PITPNM1: variants seen among roughly 807,000 people sequenced by gnomAD.
PITPNM1 encodes membrane-associated phosphatidylinositol transfer protein 1.
PITPNM1 carries 74 observed loss-of-function variants against 133.3 expected under a neutral mutation model. The observed-to-expected ratio is 0.56, with a 90% CI of 0.46 to 0.67. The LOEUF (loss-of-function observed/expected upper bound fraction) is 0.67, where lower values mean the gene tolerates loss of function less well. PITPNM1 is among the 30% of genes least tolerant of loss of function. The pLI, the probability that PITPNM1 is intolerant of heterozygous loss-of-function variation, is 0.00. For missense variants in PITPNM1, 1,398 were observed against 1,739.5 expected (o/e 0.80, Z 3.49); for synonymous variants, 738 against 741.4 (o/e 1.00, Z 0.08).
intron 14 of PITPNM1, 75 bp downstream of exon 14, chr11:67,497,156 A>AG: frequency 8.0e-7 from 1 of 1,256,796 alleles, no homozygotes; most frequent in Non-Finnish European, 1.1e-6. Context: ...CTCGGATGAG[A>AG]GGGAAGGCCA....
Position 67,494,858 on chromosome 11 carries a change from C to A in PITPNM1, c.2730G>T (p.Gln910His). 1 of 1,612,190 alleles carries A rather than the reference C, an allele frequency of 6.2e-7. No homozygotes were observed. The highest frequency in any genetic ancestry group is 1.1e-5 in the South Asian group (1 of 91,068). ...PREKWQRKRT[Q>H]VKIRNVTSNH... ...GCAGGGCACCTACCCGGATCTTGAC[C>A]TGCGTGCGTTTTCGCTGCCACTTCT... The change falls in exon 18 of 24, where the codon CAG becomes CAT. Residue 910 changes from glutamine (Q) to histidine (H), a missense_variant. Gln to His is a conservative substitution (Grantham distance 24). This residue lies in a region of PITPNM1 where 233 missense variants were observed against 378.0 expected (regional missense o/e 0.62). Coordinates refer to ENST00000356404, the MANE Select transcript of PITPNM1 (RefSeq NM_004910.3).
chr11:67,500,627 C>T (rs984130723), intron 5 of PITPNM1, among the ~76,000 whole-genome samples: 1 of 152,252 alleles, frequency 6.6e-6, no homozygotes, highest in African/African-American at 2.4e-5. Flanking sequence ...CGCCCACTGC[C>T]TTTCCTGTCT....
Position 67,493,713 on chromosome 11 carries a change from G to T in PITPNM1, c.3133C>A (p.Arg1045=). Residue 1045 remains arginine, a synonymous_variant, in exon 21 of 24, where the codon CGA becomes AGA. Transcript: ENST00000356404. ...CTGACCACGTCCACGGCGCCAGCTC[G>T]CACCTTGGGGTCGCTGCCCATGATG... ...VSIMGSDPKV[R]AGAVDVVRHW... The T allele has an allele frequency of 6.5e-7, 1 of 1,547,310 alleles. No homozygotes were observed. Among genetic ancestry groups the T allele is most frequent in the Non-Finnish European group, 8.7e-7 (1 of 1,147,012 alleles).
At chr11:67,494,205 G>A (rs768325701) in intron 19 of PITPNM1, 39 bp downstream of exon 19, 27 of 1,588,878 alleles carry the variant, frequency 1.7e-5, no homozygotes, top group Non-Finnish European at 2.2e-5. Flanking sequence ...ACAGGAGATG[G>A]GGCCATGGGA....
Position 67,498,616 on chromosome 11 carries a change from G to A in PITPNM1, c.1464C>T (p.Ala488=), listed in dbSNP as rs767395860. 1.5e-5 allele frequency: 24 copies of A among 1,597,664 alleles called. No individual in the cohort carries two copies. Among genetic ancestry groups the A allele is most frequent in the South Asian group, 7.7e-5 (7 of 91,006 alleles). ...AGTACTTGGAGACAAGGGCATAGGCGGCGGCGCAGATGGGTGGACAGGGCA... is the reference window on the plus strand; with the variant it reads ...AGTACTTGGAGACAAGGGCATAGGCAGCGGCGCAGATGGGTGGACAGGGCA... ...RLVPCPPICA[A]AYALVSNLSP... The change falls in exon 10 of 24, where the codon GCC becomes GCT. Residue 488 remains alanine, a synonymous_variant. Transcript: ENST00000356404. The surrounding 1 kb of genome is among the most constrained non-coding windows in gnomAD (Gnocchi z 5.7).
Position 67,498,564 on chromosome 11 carries a change from G to T in PITPNM1, c.1484+32C>A. ...GCCCCGCTCCCTGGCCTGATCCTAC[G>T]AGTTCCCTGCCCTTCCACCCGTGGC... On this transcript the variant is annotated intron_variant, in intron 10 of 23. Coordinates refer to ENST00000356404, the MANE Select transcript of PITPNM1 (RefSeq NM_004910.3). This position sits in a 1 kb window ranked among gnomAD's most constrained non-coding sequence, Gnocchi z 5.7. 6.3e-7 allele frequency: 1 copy of T among 1,587,408 alleles called. No homozygotes were observed. The highest frequency in any genetic ancestry group is 1.1e-5 in the South Asian group (1 of 90,364).
chr11:67,502,350 C>A lies in PITPNM1; in HGVS notation c.357G>T (p.Gly119=), dbSNP rs779121237. 2 of 1,613,752 alleles carry A rather than the reference C, an allele frequency of 1.2e-6. No individual in the cohort carries two copies. Among genetic ancestry groups the A allele is most frequent in the Non-Finnish European group, 1.7e-6 (2 of 1,180,016 alleles). ...IEIETYYLPD[G]GQQPNVFNLS... ...GGTTGAAGACGTTTGGCTGCTGCCC[C>A]CCATCAGGCAGGTAATAGGTCTCAA... The change falls in exon 4 of 24, where the codon GGG becomes GGT. Residue 119 remains glycine, a synonymous_variant. Coordinates refer to ENST00000356404, the MANE Select transcript of PITPNM1 (RefSeq NM_004910.3). The surrounding 1 kb of genome is among the most constrained non-coding windows in gnomAD (Gnocchi z 5.9).
chr11:67,495,729 T>G, intron 15 of PITPNM1, 127 bp from the exon 16 acceptor site: 1 of 898,186 alleles, frequency 1.1e-6, no homozygotes, highest in Non-Finnish European at 1.6e-6. Flanking sequence ...GAGGCTGCAC[T>G]GTGGCATTCT....
chr11:67,493,167 A>ACGGAGG (rs1865991172), intron 22 of PITPNM1, 105 bp from the exon 23 acceptor site: 4 of 1,398,036 alleles, frequency 2.9e-6, no homozygotes, highest in Non-Finnish European at 4.0e-6. Flanking sequence ...GTCCAGGCAG[A>ACGGAGG]CGGAGGCGAA....
Position 67,505,042 on chromosome 11 carries a change from A to C in PITPNM1, c.-42+146T>G, listed in dbSNP as rs1413637171. The C allele has an allele frequency of 1.3e-5, 2 of 152,552 alleles. No homozygotes were observed. Among genetic ancestry groups the C allele is most frequent in the African/African-American group, 2.4e-5 (1 of 41,420 alleles). The allele number at this position is 152,552 out of a possible 1,614,324, so 9.4% of individuals were successfully genotyped here. A position where few individuals can be genotyped will look rare whatever the true frequency, so the allele number is the denominator to read the frequency against. On this transcript the variant is annotated intron_variant, in intron 1 of 23. Transcript: ENST00000356404. The surrounding 1 kb of genome is among the most constrained non-coding windows in gnomAD (Gnocchi z 5.8). ...CCGTCCACCTGCGCCCCAGACTGGC[A>C]CCGAGGTTCCGCTGCAGGCACCCCT... is the stretch of plus-strand genomic sequence containing the variant.
At chr11:67,497,010 A>G in intron 14 of PITPNM1, 1 of 448,264 alleles carries the variant, frequency 2.2e-6, no homozygotes, top group South Asian at 5.5e-5. Flanking sequence ...CTTCTAGTGC[A>G]GAACATCCCA....
chr11:67,503,944 T>C, intron 2 of PITPNM1, 159 bp downstream of exon 2: 1 of 551,504 alleles, frequency 1.8e-6, no homozygotes, highest in Non-Finnish European at 3.2e-6. Flanking sequence ...CACTCGGCCC[T>C]CCTGCCCCTC....
intron 12 of PITPNM1, 105 bp from the exon 13 acceptor site, chr11:67,497,784 C>T: frequency 2.0e-6 from 3 of 1,521,070 alleles, no homozygotes; most frequent in Non-Finnish European, 1.8e-6. Context: ...GAGCAGAATT[C>T]CAGAGAAGAC....
At position 67,502,423 on chromosome 11, in the gene PITPNM1, A is replaced by G; in HGVS notation, c.294-10T>C. Reference sequence around the variant, plus strand: ...GAAAGGGCAGGTGTACCTGGGCAGAAGGCACGGGTGAGGCTCACTGCTGTA... The same window carrying G: ...GAAAGGGCAGGTGTACCTGGGCAGAGGGCACGGGTGAGGCTCACTGCTGTA... On this transcript the variant is annotated splice_polypyrimidine_tract_variant and intron_variant, in intron 3 of 23. Coordinates refer to ENST00000356404, the MANE Select transcript of PITPNM1 (RefSeq NM_004910.3). This position sits in a 1 kb window ranked among gnomAD's most constrained non-coding sequence, Gnocchi z 5.9. The G allele has an allele frequency of 6.2e-7, 1 of 1,613,878 alleles. No individual in the cohort carries two copies. The highest frequency in any genetic ancestry group is 8.5e-7 in the Non-Finnish European group (1 of 1,180,014).
At chr11:67,501,643 G>A (rs1056085855) in intron 5 of PITPNM1, among the ~76,000 whole-genome samples, 10 of 152,218 alleles carry the variant, frequency 6.6e-5, no homozygotes, top group Admixed American at 4.6e-4. Context: ...ATTTCTGAAT[G>A]TCAGAGCCAG....
chr11:67,494,909 G>T lies in PITPNM1; in HGVS notation c.2679C>A (p.Ser893=), dbSNP rs757840556. ...CCCTGGGGAAGGCCGGGCTGTAGAT[G>T]GACGGCTCCTCGCATTCCGCCAGCT... The part of the protein sequence containing the change: ...RPQLAECEEP[S]IYSPAFPREK... Residue 893 remains serine, a synonymous_variant, in exon 18 of 24, where the codon TCC becomes TCA. Coordinates refer to ENST00000356404, the MANE Select transcript of PITPNM1 (RefSeq NM_004910.3). The T allele has an allele frequency of 6.8e-6, 11 of 1,612,892 alleles. No homozygotes were observed. The highest frequency in any genetic ancestry group is 9.3e-6 in the Non-Finnish European group (11 of 1,179,830).
intron 23 of PITPNM1, 151 bp downstream of exon 23, chr11:67,492,783 C>T (rs1865973595): frequency 9.9e-7 from 1 of 1,009,766 alleles, no homozygotes; most frequent in Non-Finnish European, 1.4e-6. Context: ...GCTCAAGCTG[C>T]TCATGGCCCT....
rs1186892641 is a variant in PITPNM1 at position 67,499,006 on chromosome 11, A to G, written c.1172-5T>C. 1 of 1,609,444 alleles carries G rather than the reference A, an allele frequency of 6.2e-7. No individual in the cohort carries two copies. The highest frequency in any genetic ancestry group is 8.5e-7 in the Non-Finnish European group (1 of 1,178,142). ...TAGCTGCCTCGGCTCCAGGCTCTGC[A>G]GGGCAACGAAGCCAGTGAGAGGGAC... is the stretch of plus-strand genomic sequence containing the variant. On this transcript the variant is annotated splice_polypyrimidine_tract_variant and splice_region_variant and intron_variant, in intron 8 of 23. Transcript: ENST00000356404.
Position 67,502,183 on chromosome 11 carries a change from A to G in PITPNM1, c.416-97T>C. The G allele has an allele frequency of 6.4e-7, 1 of 1,552,334 alleles. No homozygotes were observed. The highest frequency in any genetic ancestry group is 8.8e-7 in the Non-Finnish European group (1 of 1,140,534). The stretch of plus-strand genomic sequence containing the variant: ...TGGATGACAGTTCCCGTCCTTTTGC[A>G]GACAGGACATGAGGCCTGGAGAGGG... On this transcript the variant is annotated intron_variant, in intron 4 of 23. Coordinates refer to ENST00000356404, the MANE Select transcript of PITPNM1 (RefSeq NM_004910.3). The surrounding 1 kb of genome is among the most constrained non-coding windows in gnomAD (Gnocchi z 5.9).
Sources: allele counts gnomAD v4.1 joint callset (sites outside exome capture counted in the v4.1 genomes callset), GRCh38; gene constraint gnomAD v4.1.1; regional missense constraint gnomAD v4.1.1; non-coding constraint Gnocchi (gnomAD v3.1); transcripts MANE v1.5; gene names NCBI Gene and HGNC (gene_info 2026-07-23, HGNC 2026-07-21).